Variants in KLHL32 observed in about 807,000 individuals in gnomAD.
KLHL32 encodes kelch like family member 32.
Under a neutral mutation model 64.8 loss-of-function variants are expected in KLHL32, and 35 were observed. The observed-to-expected ratio is 0.54, with a 90% CI of 0.41 to 0.72. The LOEUF (loss-of-function observed/expected upper bound fraction) is 0.72. Ranked by LOEUF, KLHL32 falls within the 30% of genes least tolerant of loss-of-function variation. KLHL32 has a pLI of 0.00. For synonymous variants in KLHL32, 259 were observed against 281.0 expected (o/e 0.92, Z 0.78); for missense variants, 589 against 768.5 (o/e 0.77, Z 2.76).
chr6:97,079,912 G>A (rs1792224565), intron 5 of KLHL32, among the ~76,000 whole-genome samples: 1 of 152,044 alleles, frequency 6.6e-6, no homozygotes, highest in Admixed American at 6.5e-5. Flanking sequence ...GTTTCTTGTT[G>A]CTGAGCTGTA....
chr6:97,114,682 G>C, intron 7 of KLHL32, 173 bp downstream of exon 7: 1 of 699,278 alleles, frequency 1.4e-6, no homozygotes. Context: ...AATGTAATTG[G>C]AAATAATATG....
chr6:96,935,920 C>A (rs1431796811), intron 1 of KLHL32, among the ~76,000 whole-genome samples: 1 of 152,126 alleles, frequency 6.6e-6, no homozygotes, highest in East Asian at 1.9e-4. Context: ...GAGAGATTGG[C>A]TTTGAATTTT....
At chr6:97,120,569 G>A (rs1798251703) in intron 7 of KLHL32, among the ~76,000 whole-genome samples, 1 of 152,226 alleles carries the variant, frequency 6.6e-6, no homozygotes, top group African/African-American at 2.4e-5. Context: ...TATGAGACTG[G>A]AATAGTCCAG....
intron 6 of KLHL32, among the ~76,000 whole-genome samples, chr6:97,102,420 A>AT (rs1389290515): frequency 6.6e-6 from 1 of 151,316 alleles, no homozygotes; most frequent in Non-Finnish European, 1.5e-5. Flanking sequence ...GTTTTCTCTC[A>AT]TTTTCCAGTG....
upstream of KLHL32, among the ~76,000 whole-genome samples, chr6:96,922,871 A>G (rs1190914626): frequency 6.6e-6 from 1 of 152,212 alleles, no homozygotes; most frequent in Non-Finnish European, 1.5e-5. Flanking sequence ...ACTTAAGACA[A>G]AATATAAACT....
chr6:97,095,974 C>T (rs1794928476), intron 6 of KLHL32, among the ~76,000 whole-genome samples: 1 of 152,088 alleles, frequency 6.6e-6, no homozygotes, highest in Admixed American at 6.6e-5. Flanking sequence ...GAATTTTGTA[C>T]ATTCTAGATA....
intron 3 of KLHL32, among the ~76,000 whole-genome samples, chr6:97,013,984 G>T (rs913067853): frequency 1.3e-5 from 2 of 152,182 alleles, no homozygotes; most frequent in South Asian, 4.1e-4. Context: ...CCCTGAGGGT[G>T]CAGGGGAAGG....
chr6:96,966,146 A>G (rs1450082069), intron 1 of KLHL32, among the ~76,000 whole-genome samples: 1 of 152,232 alleles, frequency 6.6e-6, no homozygotes, highest in East Asian at 1.9e-4. Flanking sequence ...TTTCCAAAAT[A>G]AAATTGAGAC....
At chr6:97,014,753 C>A (rs958541094) in intron 3 of KLHL32, among the ~76,000 whole-genome samples, 1 of 152,202 alleles carries the variant, frequency 6.6e-6, no homozygotes, top group Admixed American at 6.5e-5. Flanking sequence ...AAGGATGCAG[C>A]CAAGTCTCAA....
intron 3 of KLHL32, among the ~76,000 whole-genome samples, chr6:96,982,975 C>T (rs111536217): frequency 0.022 from 3,361 of 152,298 alleles, 55 homozygotes; most frequent in African/African-American, 0.062. Flanking sequence ...CAAGGGAATG[C>T]TTCCAGTTTT....
intron 1 of KLHL32, among the ~76,000 whole-genome samples, chr6:96,930,534 T>G (rs75322269): frequency 0.029 from 4,428 of 152,266 alleles, 127 homozygotes; most frequent in Non-Finnish European, 0.046. Context: ...AAAATCTCAG[T>G]ACTTATTAAT....
At chr6:96,914,096 C>T in the KLHL32 span, among the ~76,000 whole-genome samples, 5 of 151,910 alleles carry the variant, frequency 3.3e-5, no homozygotes, top group Non-Finnish European at 7.4e-5. Flanking sequence ...TTGAAGAAAG[C>T]GGGGGAATCT....
At chr6:97,026,327 A>G (rs957105042) in intron 3 of KLHL32, among the ~76,000 whole-genome samples, 2 of 151,986 alleles carry the variant, frequency 1.3e-5, no homozygotes, top group Non-Finnish European at 2.9e-5. Flanking sequence ...AGCTATGATC[A>G]TGTCACTGTA....
chr6:97,033,282 T>C (rs745466281), intron 3 of KLHL32, among the ~76,000 whole-genome samples: 7 of 152,186 alleles, frequency 4.6e-5, no homozygotes, highest in Non-Finnish European at 8.8e-5. Flanking sequence ...AATATTTGTC[T>C]TTCTGTGTCT....
the KLHL32 span, among the ~76,000 whole-genome samples, chr6:96,902,967 T>C: frequency 6.6e-6 from 1 of 152,098 alleles, no homozygotes; most frequent in Non-Finnish European, 1.5e-5. Flanking sequence ...CTTGTACCAG[T>C]ACCATGCTGT....
intron 5 of KLHL32, among the ~76,000 whole-genome samples, chr6:97,083,345 G>A (rs901368727): frequency 7.9e-5 from 12 of 151,318 alleles, no homozygotes; most frequent in Admixed American, 2.6e-4. Flanking sequence ...AGCTGAGATC[G>A]CACCACTGCA....
At chr6:97,045,456 C>T (rs1737653) in intron 4 of KLHL32, among the ~76,000 whole-genome samples, 38,634 of 152,050 alleles carry the variant, frequency 0.25, 6,282 homozygotes, top group African/African-American at 0.45. Flanking sequence ...TCTTACTTCA[C>T]AGGTGTGCCA....
intron 6 of KLHL32, 102 bp downstream of exon 6, chr6:97,085,443 C>A: frequency 2.0e-6 from 2 of 977,738 alleles, no homozygotes; most frequent in South Asian, 1.5e-5. Flanking sequence ...TGGCTTTGGT[C>A]CTCATGGAGT....
At chr6:96,947,577 T>A (rs1772074858) in intron 1 of KLHL32, among the ~76,000 whole-genome samples, 1 of 152,200 alleles carries the variant, frequency 6.6e-6, no homozygotes, top group Non-Finnish European at 1.5e-5. Context: ...CTGATGCTTT[T>A]ATTAATGGCA....
Sources: allele counts gnomAD v4.1 joint callset (sites outside exome capture counted in the v4.1 genomes callset), GRCh38; gene constraint gnomAD v4.1.1; transcripts MANE v1.5; gene names NCBI Gene and HGNC (gene_info 2026-07-23, HGNC 2026-07-21).